KCNV1: variants seen among roughly 807,000 people sequenced by gnomAD.
KCNV1 encodes potassium voltage-gated channel modifier subfamily V member 1.
KCNV1 carries 2 observed loss-of-function variants against 36.4 expected under a neutral mutation model. The observed-to-expected ratio is 0.05, with a 90% CI of 0.02 to 0.17. The LOEUF (loss-of-function observed/expected upper bound fraction) is 0.17. Ranked by LOEUF, KCNV1 falls within the 10% of genes least tolerant of loss-of-function variation. The probability of loss-of-function intolerance (pLI) is 1.00; values close to 1 mark genes in which losing one functional copy is unlikely to be tolerated. For missense variants in KCNV1, 321 were observed against 643.6 expected (o/e 0.50, Z 5.42); for synonymous variants, 280 against 261.1 (o/e 1.07, Z -0.70).
At position 109,974,367 on chromosome 8, in the gene KCNV1, G is replaced by C. The variant is rs1200943485; in HGVS notation, c.22C>G (p.Leu8Val). Residue 8 changes from leucine to valine, a missense_variant, in exon 2 of 4, where the codon CTG becomes GTG. By Grantham distance (32) the Leu-to-Val change is conservative (BLOSUM62 1). This residue lies in a region of KCNV1 where 39 missense variants were observed against 50.8 expected (regional missense o/e 0.77). Transcript: ENST00000524391. This position sits in a 1 kb window ranked among gnomAD's most constrained non-coding sequence, Gnocchi z 6.2. ...CCGCTGTCCAGCGGCGAGTCCAGCA[G>C]CGCTCTGCCGCTGGAAGGCATCTCT... Reference protein sequence around the residue: MPSSGRALLDSPLDSGSL... With the variant: MPSSGRAVLDSPLDSGSL... 1 of 1,505,666 alleles carries C rather than the reference G, an allele frequency of 6.6e-7. No individual in the cohort carries two copies. Among genetic ancestry groups the C allele is most frequent in the East Asian group, 2.5e-5 (1 of 40,608 alleles). 93.3% of individuals were successfully genotyped at this position (1,505,666 alleles called of 1,614,324 possible).
rs1158156600 is a variant in KCNV1 at position 109,974,395 on chromosome 8, C to T, written c.-7G>A. ...CTCTGCCGCTGGAAGGCATCTCTAA[C>T]CCAGTCGCCGCGGCCTGAGGGCGCC... On this transcript the variant is annotated 5_prime_UTR_variant, in exon 2 of 4. Coordinates refer to ENST00000524391, the MANE Select transcript of KCNV1 (RefSeq NM_014379.4). This position sits in a 1 kb window ranked among gnomAD's most constrained non-coding sequence, Gnocchi z 6.2. 6.1e-6 allele frequency: 9 copies of T among 1,466,666 alleles called. No individual in the cohort carries two copies. Among genetic ancestry groups the T allele is most frequent in the Non-Finnish European group, 3.6e-6 (4 of 1,114,468 alleles). 90.9% of individuals were successfully genotyped at this position (1,466,666 alleles called of 1,614,324 possible).
Position 109,974,488 on chromosome 8 carries a change from G to T in KCNV1, c.-100C>A. 1 of 825,292 alleles carries T rather than the reference G, an allele frequency of 1.2e-6. No homozygotes were observed. Among genetic ancestry groups the T allele is most frequent in the Non-Finnish European group, 1.8e-6 (1 of 543,730 alleles). The allele number at this position is 825,292 out of a possible 1,614,324, so 51.1% of individuals were successfully genotyped here. A position where few individuals can be genotyped will look rare whatever the true frequency, so the allele number is the denominator to read the frequency against. On this transcript the variant is annotated 5_prime_UTR_variant, in exon 2 of 4. Coordinates refer to ENST00000524391, the MANE Select transcript of KCNV1 (RefSeq NM_014379.4). This position sits in a 1 kb window ranked among gnomAD's most constrained non-coding sequence, Gnocchi z 6.2. ...GGTGGCACGGCCCCTGGTGGCGGCC[G>T]GGATTCCCCGGGCTCCCGAAGGGGT...
Position 109,966,610 on chromosome 8 carries a change from A to C in KCNV1, c.*1478T>G, listed in dbSNP as rs751895834. 1 of 152,170 alleles carries C rather than the reference A, an allele frequency of 6.6e-6. No homozygotes were observed. The highest frequency in any genetic ancestry group is 1.5e-5 in the Non-Finnish European group (1 of 68,028). The allele number at this position is 152,170 out of a possible 1,614,324, so 9.4% of individuals were successfully genotyped here. On this transcript the variant is annotated 3_prime_UTR_variant, in exon 4 of 4. Coordinates refer to ENST00000524391, the MANE Select transcript of KCNV1 (RefSeq NM_014379.4). ...TGAAATCCGGATGCATTTTACAGTTAATGGCATCTTACAATTGACTGGCAT... is the reference window on the plus strand; with the variant it reads ...TGAAATCCGGATGCATTTTACAGTTCATGGCATCTTACAATTGACTGGCAT...
At chr8:109,973,430 T>G (rs950588682) in intron 2 of KCNV1, among the ~76,000 whole-genome samples, 2 of 152,208 alleles carry the variant, frequency 1.3e-5, no homozygotes, top group Non-Finnish European at 2.9e-5. Context: ...AGGAAATGTA[T>G]TCATGAAGAA....
chr8:109,974,886 G>T lies in KCNV1; in HGVS notation c.-498C>A, dbSNP rs1351334253. On this transcript the variant is annotated 5_prime_UTR_variant, in exon 2 of 4. Coordinates refer to ENST00000524391, the MANE Select transcript of KCNV1 (RefSeq NM_014379.4). The surrounding 1 kb of genome is among the most constrained non-coding windows in gnomAD (Gnocchi z 6.2). ...GAGAGAAGATGACTCTTAGCTGAAC[G>T]CAAGCAAGCAAGCAAGCAAGGGGGA... 1 of 157,560 alleles carries T rather than the reference G, an allele frequency of 6.3e-6. No homozygotes were observed. Among genetic ancestry groups the T allele is most frequent in the Non-Finnish European group, 1.4e-5 (1 of 71,672 alleles). 9.8% of individuals were successfully genotyped at this position (157,560 alleles called of 1,614,324 possible).
rs756527587 is a variant in KCNV1, at chr8:109,968,370, G to A, written c.1221C>T (p.Ile407=). 23 of 1,614,062 alleles carry A rather than the reference G, an allele frequency of 1.4e-5. No homozygotes were observed. The East Asian group carries it at 1.8e-4, about 13-fold the overall frequency. ...DIRPDTTTGK[I]VAFMCILSGI... is the part of the protein sequence containing the mutation. ...CCGATAATATACACATGAAGGCCAC[G>A]ATTTTGCCTGTGGTGGTGTCTGGTC... The change falls in exon 4 of 4, where the codon ATC becomes ATT. Residue 407 remains isoleucine (I), a synonymous_variant. Transcript: ENST00000524391. This position sits in a 1 kb window ranked among gnomAD's most constrained non-coding sequence, Gnocchi z 5.3.
In KCNV1 at chr8:109,968,200, A is replaced by G; in HGVS notation, c.1391T>C (p.Ile464Thr). 1 of 1,614,174 alleles carries G rather than the reference A, an allele frequency of 6.2e-7. No individual in the cohort carries two copies. Residue 464 changes from isoleucine (I) to threonine (T), a missense_variant, in exon 4 of 4, where the codon ATC becomes ACC. Coordinates refer to ENST00000524391, the MANE Select transcript of KCNV1 (RefSeq NM_014379.4). The surrounding 1 kb of genome is among the most constrained non-coding windows in gnomAD (Gnocchi z 5.3). Reference protein sequence around the residue: ...LTKNIATDSYISVNLRDVYAR... With the variant: ...LTKNIATDSYTSVNLRDVYAR... ...ATAGACATCTCTCAAGTTAACACTG[A>G]TATATGAGTCAGTGGCTATATTCTT...
intron 3 of KCNV1, among the ~76,000 whole-genome samples, chr8:109,969,128 C>A (rs185745116): frequency 6.6e-6 from 1 of 152,192 alleles, no homozygotes. Flanking sequence ...TACAGGAAAG[C>A]CAGAAAAAGT....
At chr8:109,970,970 C>T (rs1300932875) in intron 3 of KCNV1, among the ~76,000 whole-genome samples, 1 of 152,104 alleles carries the variant, frequency 6.6e-6, no homozygotes, top group African/African-American at 2.4e-5. Context: ...TAGGAAAATA[C>T]ACTACCAAAA....
In KCNV1 at chr8:109,968,361, G is replaced by A; in HGVS notation, c.1230C>T (p.Phe410=). 6.2e-7 allele frequency: 1 copy of A among 1,614,182 alleles called. No individual in the cohort carries two copies. Among genetic ancestry groups the A allele is most frequent in the Non-Finnish European group, 8.5e-7 (1 of 1,180,036 alleles). ...PDTTTGKIVA[F]MCILSGILVL... ...CAAGAATTCCCGATAATATACACAT[G>A]AAGGCCACGATTTTGCCTGTGGTGG... Residue 410 remains phenylalanine (F), a synonymous_variant, in exon 4 of 4, where the codon TTC becomes TTT. Transcript: ENST00000524391. This position sits in a 1 kb window ranked among gnomAD's most constrained non-coding sequence, Gnocchi z 5.3.
At chr8:109,973,044 C>A (rs867829914) in intron 2 of KCNV1, among the ~76,000 whole-genome samples, 34 of 145,282 alleles carry the variant, frequency 2.3e-4, no homozygotes, top group African/African-American at 7.2e-4. Flanking sequence ...GCGGAGTGAT[C>A]TCGGCTTACT....
Position 109,974,926 on chromosome 8 carries a change from C to A in KCNV1, c.-538G>T. ...AGCAAGGGGGATGGCGAGACTCACT[C>A]CTGCCCGCAGGAGACCAAAACAAAA... is the stretch of plus-strand genomic sequence containing the variant. On this transcript the variant is annotated 5_prime_UTR_variant, in exon 2 of 4. Transcript: ENST00000524391. This position sits in a 1 kb window ranked among gnomAD's most constrained non-coding sequence, Gnocchi z 6.2. The A allele has an allele frequency of 6.4e-6, 1 of 155,462 alleles. No individual in the cohort carries two copies. The allele number at this position is 155,462 out of a possible 1,614,324, so 9.6% of individuals were successfully genotyped here.
rs1819912994 is a variant in KCNV1, at chr8:109,963,736, A to G, written c.*4352T>C. On this transcript the variant is annotated 3_prime_UTR_variant, in exon 4 of 4. Transcript: ENST00000524391. ...CCTACCTCAGTTATTTTTGCATCTA[A>G]TCCATTATACTTGATACTACTTTGC... 6.6e-6 allele frequency: 1 copy of G among 152,126 alleles called. No homozygotes were observed. Among genetic ancestry groups the G allele is most frequent in the Non-Finnish European group, 1.5e-5 (1 of 68,016 alleles). The allele number at this position is 152,126 out of a possible 1,614,324, so 9.4% of individuals were successfully genotyped here.
In KCNV1 at chr8:109,968,150, G is replaced by T. The variant is rs1819965858; in HGVS notation, c.1441C>A (p.Arg481=). 6.2e-7 allele frequency: 1 copy of T among 1,613,906 alleles called. No individual in the cohort carries two copies. The highest frequency in any genetic ancestry group is 1.3e-5 in the African/African-American group (1 of 74,878). ...CTTGCTCTTTCTCTGCCTTTCAGTC[G>T]CAGCATCTCCATGATACTCCGGGCA... ...VYARSIMEML[R]LKGRERASTR... is the part of the protein sequence containing the mutation. The change falls in exon 4 of 4, where the codon CGA becomes AGA. Residue 481 remains arginine, a synonymous_variant. Coordinates refer to ENST00000524391, the MANE Select transcript of KCNV1 (RefSeq NM_014379.4). This position sits in a 1 kb window ranked among gnomAD's most constrained non-coding sequence, Gnocchi z 5.3.
rs533267399 is a variant in KCNV1 at position 109,964,255 on chromosome 8, A to C, written c.*3833T>G. The C allele has an allele frequency of 6.6e-6, 1 of 152,146 alleles. No homozygotes were observed. The highest frequency in any genetic ancestry group is 6.5e-5 in the Admixed American group (1 of 15,274). The allele number at this position is 152,146 out of a possible 1,614,324, so 9.4% of individuals were successfully genotyped here. Reference sequence around the variant, plus strand: ...CAATGATATGAAAAAAAGCCTCAATATCACTGATCATTAGAGAAACGCAAA... The same window carrying C: ...CAATGATATGAAAAAAAGCCTCAATCTCACTGATCATTAGAGAAACGCAAA... On this transcript the variant is annotated 3_prime_UTR_variant, in exon 4 of 4. Transcript: ENST00000524391.
Position 109,964,787 on chromosome 8 carries a change from A to T in KCNV1, c.*3301T>A, listed in dbSNP as rs1178043108. 6.6e-6 allele frequency: 1 copy of T among 152,198 alleles called. No individual in the cohort carries two copies. The allele number at this position is 152,198 out of a possible 1,614,324, so 9.4% of individuals were successfully genotyped here. A position where few individuals can be genotyped will look rare whatever the true frequency, so the allele number is the denominator to read the frequency against. On this transcript the variant is annotated 3_prime_UTR_variant, in exon 4 of 4. Transcript: ENST00000524391. ...GTTCTCACTTATAAGTGGGAGCTAAATGATGAGAGCACATGAACACATAGA... is the reference window on the plus strand; with the variant it reads ...GTTCTCACTTATAAGTGGGAGCTAATTGATGAGAGCACATGAACACATAGA...
rs1329029483 is a variant in KCNV1 at position 109,967,980 on chromosome 8, A to T, written c.*108T>A. 44 of 1,078,410 alleles carry T rather than the reference A, an allele frequency of 4.1e-5. No homozygotes were observed. The highest frequency in any genetic ancestry group is 3.8e-5 in the Non-Finnish European group (29 of 761,050). 66.8% of individuals were successfully genotyped at this position (1,078,410 alleles called of 1,614,324 possible). ...AATATATCAGCAAAAATTAATTAAGATGAGCAGTACTCTGAAGAGACTCAT... is the reference window on the plus strand; with the variant it reads ...AATATATCAGCAAAAATTAATTAAGTTGAGCAGTACTCTGAAGAGACTCAT... On this transcript the variant is annotated 3_prime_UTR_variant, in exon 4 of 4. Coordinates refer to ENST00000524391, the MANE Select transcript of KCNV1 (RefSeq NM_014379.4).
In KCNV1 at chr8:109,972,469, G is replaced by T. The variant is rs571955866; in HGVS notation, c.780C>A (p.Arg260=). 6.2e-7 allele frequency: 1 copy of T among 1,614,180 alleles called. No individual in the cohort carries two copies. Among genetic ancestry groups the T allele is most frequent in the Admixed American group, 1.7e-5 (1 of 60,020 alleles). The part of the protein sequence containing the change: ...ISWFTGEFVL[R]FLCVRDRCRF... ...GACACCTGTCCCGCACACACAGGAA[G>T]CGGAGGACAAACTCCCCGGTGAACC... The change falls in exon 3 of 4, where the codon CGC becomes CGA. Residue 260 remains arginine (R), a synonymous_variant. Coordinates refer to ENST00000524391, the MANE Select transcript of KCNV1 (RefSeq NM_014379.4). The surrounding 1 kb of genome is among the most constrained non-coding windows in gnomAD (Gnocchi z 5.2).
Position 109,974,378 on chromosome 8 carries a change from C to T in KCNV1, c.11G>A (p.Ser4Asn). Residue 4 changes from serine to asparagine, a missense_variant, in exon 2 of 4, where the codon AGC (serine) becomes AAC (asparagine). Around this residue, in one of 5 missense-constraint regions of KCNV1, gnomAD observed 39 missense variants for 50.8 expected, o/e 0.77. Coordinates refer to ENST00000524391, the MANE Select transcript of KCNV1 (RefSeq NM_014379.4). This position sits in a 1 kb window ranked among gnomAD's most constrained non-coding sequence, Gnocchi z 6.2. MPS[S>N]GRALLDSPLD... ...CGGCGAGTCCAGCAGCGCTCTGCCG[C>T]TGGAAGGCATCTCTAACCCAGTCGC... 1 of 1,497,660 alleles carries T rather than the reference C, an allele frequency of 6.7e-7. No individual in the cohort carries two copies. The highest frequency in any genetic ancestry group is 8.9e-7 in the Non-Finnish European group (1 of 1,129,872). 92.8% of individuals were successfully genotyped at this position (1,497,660 alleles called of 1,614,324 possible).
Sources: allele counts gnomAD v4.1 joint callset (sites outside exome capture counted in the v4.1 genomes callset), GRCh38; gene constraint gnomAD v4.1.1; regional missense constraint gnomAD v4.1.1; non-coding constraint Gnocchi (gnomAD v3.1); transcripts MANE v1.5; gene names NCBI Gene and HGNC (gene_info 2026-07-23, HGNC 2026-07-21).